The following LRRTM3 variants were observed in gnomAD, a reference collection of about 807,000 sequenced individuals.
The protein encoded by LRRTM3 is leucine-rich repeat transmembrane neuronal protein 3.
LRRTM3 carries 24 observed loss-of-function variants against 44.7 expected under a neutral mutation model. That is an observed-to-expected ratio of 0.54 (90% CI 0.39 to 0.76). The LOEUF (loss-of-function observed/expected upper bound fraction) is 0.76. LRRTM3 is among the 30% of genes least tolerant of loss of function. The probability of loss-of-function intolerance (pLI) is 0.00; values close to 1 mark genes in which losing one functional copy is unlikely to be tolerated. For missense variants in LRRTM3, 587 were observed against 702.2 expected (o/e 0.84, Z 1.85); for synonymous variants, 277 against 278.7 (o/e 0.99, Z 0.06).
Position 66,927,999 on chromosome 10 carries a change from T to C in LRRTM3, c.1083T>C (p.Cys361=), listed in dbSNP as rs756313684. The C allele has an allele frequency of 2.2e-5, 35 of 1,614,078 alleles. No homozygotes were observed. Among genetic ancestry groups the C allele is most frequent in the Non-Finnish European group, 3.0e-5 (35 of 1,180,038 alleles). The change falls in exon 2 of 3, where the codon TGT becomes TGC. Residue 361 remains cysteine (C), a synonymous_variant. Transcript: ENST00000361320. The surrounding 1 kb of genome is among the most constrained non-coding windows in gnomAD (Gnocchi z 4.7). ...ATGCAGTGAAGAACTACAGCATCTG[T>C]GGCAAAAGTACTACAGAGAGGTTTG... The part of the protein sequence containing the change: ...VIDAVKNYSI[C]GKSTTERFDL...
chr10:67,095,948 A>T (rs1857964507), intron 2 of LRRTM3, among the ~76,000 whole-genome samples: 1 of 151,842 alleles, frequency 6.6e-6, no homozygotes, highest in South Asian at 2.1e-4. Flanking sequence ...GAAGTATCCT[A>T]TTTTATTCTT....
chr10:66,956,465 C>G lies in LRRTM3; in HGVS notation c.1536+28013C>G, dbSNP rs79479030. ...GGCTTGCAGAGCTTGGGCTGAGAAT[C>G]TTTGCAAGTTATTGTCATCCAGGCA... On this transcript the variant is annotated intron_variant, in intron 2 of 2. Coordinates refer to ENST00000361320, the MANE Select transcript of LRRTM3 (RefSeq NM_178011.5). Among the ~76,000 whole-genome samples the G allele has an allele frequency of 8.5e-3, 1,288 of 152,096 alleles. 21 individuals are homozygous for G. Among genetic ancestry groups the G allele is most frequent in the African/African-American group, 0.029 (1,219 of 41,490 alleles).
rs917925089 is a variant in LRRTM3, at chr10:67,098,048, C to CT, written c.*261dup. ...GTATGACCCTGAAAAATAAAAGAAT[C>CT]TTTTTTTTTCAAAACTCATCCTACC... On this transcript the variant is annotated 3_prime_UTR_variant, in exon 3 of 3. Coordinates refer to ENST00000361320, the MANE Select transcript of LRRTM3 (RefSeq NM_178011.5). 1.0e-3 allele frequency: 456 copies of CT among 456,440 alleles called. No homozygotes were observed. The highest frequency in any genetic ancestry group is 1.1e-3 in the East Asian group (29 of 25,744). The allele number at this position is 456,440 out of a possible 1,614,324, so 28.3% of individuals were successfully genotyped here. A position where few individuals can be genotyped will look rare whatever the true frequency, so the allele number is the denominator to read the frequency against.
intron 2 of LRRTM3, among the ~76,000 whole-genome samples, chr10:67,095,812 T>C (rs1857955407): frequency 2.0e-5 from 3 of 151,858 alleles, no homozygotes; most frequent in Admixed American, 6.6e-5. Context: ...CCAGTAACAG[T>C]TCTATTTTTG....
At chr10:67,050,661 T>C (rs906186988) in intron 2 of LRRTM3, among the ~76,000 whole-genome samples, 2 of 152,194 alleles carry the variant, frequency 1.3e-5, no homozygotes, top group African/African-American at 4.8e-5. Flanking sequence ...GTGTCCTGCA[T>C]GGAATTTAAA....
intron 2 of LRRTM3, among the ~76,000 whole-genome samples, chr10:67,002,671 C>T (rs1376709431): frequency 2.0e-5 from 3 of 152,032 alleles, no homozygotes; most frequent in Non-Finnish European, 2.9e-5. Flanking sequence ...AGGATGCCTA[C>T]TTGTTTATAA....
intron 2 of LRRTM3, among the ~76,000 whole-genome samples, chr10:67,073,780 T>C (rs1856590420): frequency 6.6e-6 from 1 of 152,150 alleles, no homozygotes; most frequent in Non-Finnish European, 1.5e-5. Context: ...AAAATTCTCA[T>C]GAAAAATGCT....
At chr10:66,962,271 T>C (rs1849151512) in intron 2 of LRRTM3, among the ~76,000 whole-genome samples, 1 of 152,152 alleles carries the variant, frequency 6.6e-6, no homozygotes, top group South Asian at 2.1e-4. Context: ...TATCACCCAC[T>C]AGCCTCTCTT....
chr10:66,993,886 C>T (rs1297743490), intron 2 of LRRTM3, among the ~76,000 whole-genome samples: 2 of 152,086 alleles, frequency 1.3e-5, no homozygotes, highest in Non-Finnish European at 2.9e-5. Flanking sequence ...TATTCTTAGA[C>T]AAATTTTTGT....
At chr10:67,039,155 T>A (rs1854246327) in intron 2 of LRRTM3, among the ~76,000 whole-genome samples, 1 of 152,120 alleles carries the variant, frequency 6.6e-6, no homozygotes, top group Non-Finnish European at 1.5e-5. Context: ...AACCATAAGC[T>A]ATACTGTTAC....
At chr10:67,047,870 T>TAAAAACAA (rs1233230222) in intron 2 of LRRTM3, among the ~76,000 whole-genome samples, 1 of 151,926 alleles carries the variant, frequency 6.6e-6, no homozygotes, top group African/African-American at 2.4e-5. Context: ...AATGTCATCC[T>TAAAAACAA]AAAAACAAAA....
Position 67,012,074 on chromosome 10 carries a change from A to G in LRRTM3, c.1536+83622A>G, listed in dbSNP as rs76121352. On this transcript the variant is annotated intron_variant, in intron 2 of 2. Transcript: ENST00000361320. ...TTATGGTAACTTGCCAAAAATCACA[A>G]GCTCCGTAGATACAAGTCAAACACA... 7.8e-3 allele frequency among the ~76,000 whole-genome samples: 1,184 copies of G among 152,292 alleles called. 42 individuals are homozygous for G. The East Asian group carries it at 0.11, about 14-fold the overall frequency.
intron 2 of LRRTM3, among the ~76,000 whole-genome samples, chr10:66,999,423 T>A (rs558986624): frequency 6.6e-6 from 1 of 152,266 alleles, no homozygotes; most frequent in South Asian, 2.1e-4. Context: ...ATAATTAAAT[T>A]AAGATCATCA....
chr10:66,998,713 T>TA lies in LRRTM3; in HGVS notation c.1536+70265dup, dbSNP rs554546105. Among the ~76,000 whole-genome samples, 46 of 152,214 alleles carry TA rather than the reference T, an allele frequency of 3.0e-4. No individual in the cohort carries two copies. In the South Asian group the frequency reaches 7.9e-3, roughly 26 times the overall value. On this transcript the variant is annotated intron_variant, in intron 2 of 2. Transcript: ENST00000361320. ...ATAACATTGTCCAGAATATACAAAGTAAAATTGAGATTAGAAAGAGCAATT... is the reference window on the plus strand; with the variant it reads ...ATAACATTGTCCAGAATATACAAAGTAAAAATTGAGATTAGAAAGAGCAATT...
chr10:67,019,551 C>G (rs1227458453), intron 2 of LRRTM3, among the ~76,000 whole-genome samples: 1 of 152,098 alleles, frequency 6.6e-6, no homozygotes, highest in Non-Finnish European at 1.5e-5. Context: ...CTTGCAAGAA[C>G]TTTATCGTAT....
rs1374188206 is a variant in LRRTM3 at position 66,926,077 on chromosome 10, A to G, written c.-507A>G. 1.5e-5 allele frequency: 7 copies of G among 457,516 alleles called. No homozygotes were observed. The highest frequency in any genetic ancestry group is 3.1e-5 in the Non-Finnish European group (7 of 227,644). 28.3% of individuals were successfully genotyped at this position (457,516 alleles called of 1,614,324 possible). ...TTCAGAATGACAGTCTGCAGAAGTG[A>G]GCTGAGCGTGTGCGCGGTACGGGGC... is the stretch of plus-strand genomic sequence containing the variant. On this transcript the variant is annotated 5_prime_UTR_variant, in exon 1 of 3. Transcript: ENST00000361320.
In LRRTM3 at chr10:66,954,093, A is replaced by T. The variant is rs546636467; in HGVS notation, c.1536+25641A>T. On this transcript the variant is annotated intron_variant, in intron 2 of 2. Transcript: ENST00000361320. ...TCCTAACTTAAAATGCTGGTCAAAA[A>T]TAAAATTTATGCCTCTACTAGTCAG... Among the ~76,000 whole-genome samples, 218 of 152,346 alleles carry T rather than the reference A, an allele frequency of 1.4e-3. 1 individual carries two copies. The highest frequency in any genetic ancestry group is 4.8e-3 in the African/African-American group (199 of 41,602).
intron 2 of LRRTM3, among the ~76,000 whole-genome samples, chr10:66,997,017 C>G (rs549224767): frequency 6.6e-6 from 1 of 152,194 alleles, no homozygotes; most frequent in East Asian, 1.9e-4. Context: ...ATTTAGCTGC[C>G]TGGATAGCAG....
intron 2 of LRRTM3, among the ~76,000 whole-genome samples, chr10:67,029,716 TACAA>T (rs1311072023): frequency 6.6e-6 from 1 of 152,352 alleles, no homozygotes; most frequent in East Asian, 1.9e-4. Flanking sequence ...AAGATATTTT[TACAA>T]ATTAACTTTT....
Sources: gnomAD v4.1 joint callset for allele counts (sites outside exome capture counted in the v4.1 genomes callset) on GRCh38, gnomAD v4.1.1 for gene constraint, Gnocchi (gnomAD v3.1) non-coding constraint, MANE v1.5 for transcripts, NCBI Gene and HGNC (gene_info 2026-07-23, HGNC 2026-07-21) for gene names.